The following SEC11C variants were observed in gnomAD, a reference collection of about 807,000 sequenced individuals.
SEC11C encodes the protein signal peptidase complex catalytic subunit SEC11C.
A neutral mutation model predicts 21.9 loss-of-function variants in SEC11C; 10 were observed. The ratio of observed to expected loss-of-function variants is 0.46; its 90% CI spans 0.28 to 0.77. The LOEUF is 0.77. Ranked by LOEUF, SEC11C falls within the 30% of genes least tolerant of loss-of-function variation. The pLI is 0.12. For synonymous variants in SEC11C, 83 were observed against 85.6 expected (o/e 0.97, Z 0.17); for missense variants, 145 against 244.5 (o/e 0.59, Z 2.71).
At position 59,157,496 on chromosome 18, in the gene SEC11C, G is replaced by A. The variant is rs972522702; in HGVS notation, c.468-112G>A. 28 of 777,278 alleles carry A rather than the reference G, an allele frequency of 3.6e-5. No homozygotes were observed. In the African/African-American group the frequency reaches 4.6e-4, roughly 13 times the overall value. 48.1% of individuals were successfully genotyped at this position (777,278 alleles called of 1,614,324 possible). ...TACATCCTTACAGCCCTGGTCAGTG[G>A]CATTCCCTCGTACAATTCATTTCTT... On this transcript the variant is annotated intron_variant, in intron 4 of 5. Transcript: ENST00000587834.
intron 1 of SEC11C, among the ~76,000 whole-genome samples, chr18:59,143,352 CAAAAAAAA>C (rs36204971): frequency 0.55 from 61,519 of 111,170 alleles, 14,276 homozygotes; most frequent in East Asian, 0.66. Flanking sequence ...GACTCCATTT[CAAAAAAAA>C]AAAAAAAAAA....
chr18:59,156,033 G>A, intron 4 of SEC11C: 3 of 406,712 alleles, frequency 7.4e-6, no homozygotes, highest in Non-Finnish European at 8.7e-6. Flanking sequence ...GTTCAAATCT[G>A]TTTCAAAATA....
At chr18:59,147,693 C>T (rs2069292959) in intron 1 of SEC11C, 1 of 151,920 alleles carries the variant, frequency 6.6e-6, no homozygotes, top group Non-Finnish European at 1.5e-5. Context: ...GGGCTGAAAT[C>T]AGTTTGATTG....
intron 1 of SEC11C, chr18:59,146,914 C>A (rs2069283191): frequency 6.6e-6 from 1 of 152,218 alleles, no homozygotes. Context: ...CCCGATGATT[C>A]TGAGGTGCAG....
intron 4 of SEC11C, 80 bp downstream of exon 4, chr18:59,155,887 G>A: frequency 6.7e-7 from 1 of 1,498,098 alleles, no homozygotes; most frequent in Non-Finnish European, 9.2e-7. Context: ...AGGCTAATGA[G>A]TCGTTAATTA....
At chr18:59,151,446 T>G (rs191373492) in intron 2 of SEC11C, among the ~76,000 whole-genome samples, 3 of 152,354 alleles carry the variant, frequency 2.0e-5, no homozygotes, top group Admixed American at 2.0e-4. Flanking sequence ...GTCAGTTGTA[T>G]TTCTAGCCCT....
chr18:59,142,000 A>C (rs1377937160), intron 1 of SEC11C, among the ~76,000 whole-genome samples: 1 of 152,192 alleles, frequency 6.6e-6, no homozygotes, highest in African/African-American at 2.4e-5. Flanking sequence ...TGCTGAGCAT[A>C]CAAAGTTGGT....
chr18:59,140,781 C>T (rs1331543254), intron 1 of SEC11C, among the ~76,000 whole-genome samples: 1 of 152,138 alleles, frequency 6.6e-6, no homozygotes, highest in Non-Finnish European at 1.5e-5. Context: ...CTCTTTTTAG[C>T]CACTTATTGG....
chr18:59,155,498 T>C, intron 3 of SEC11C, 190 bp from the exon 4 acceptor site: 3 of 504,772 alleles, frequency 5.9e-6, no homozygotes, highest in Non-Finnish European at 1.0e-5. Context: ...TCTACAAAAC[T>C]GTCATTAGAT....
chr18:59,145,445 T>C (rs1376070914), intron 1 of SEC11C, among the ~76,000 whole-genome samples: 2 of 152,114 alleles, frequency 1.3e-5, no homozygotes, highest in Non-Finnish European at 2.9e-5. Context: ...AGGTGAGTGT[T>C]TGGTAAACTA....
At chr18:59,158,090 C>G (rs888907731) in intron 5 of SEC11C, among the ~76,000 whole-genome samples, 2 of 152,082 alleles carry the variant, frequency 1.3e-5, no homozygotes, top group African/African-American at 4.8e-5. Flanking sequence ...GAATCTGGCT[C>G]TGTTGCTCAG....
At chr18:59,141,933 A>G (rs1273135519) in intron 1 of SEC11C, among the ~76,000 whole-genome samples, 1 of 152,220 alleles carries the variant, frequency 6.6e-6, no homozygotes, top group Non-Finnish European at 1.5e-5. Flanking sequence ...CTGTTTCATC[A>G]TTGGTTGACA....
At chr18:59,148,292 G>A (rs2069302454) in intron 1 of SEC11C, among the ~76,000 whole-genome samples, 1 of 152,212 alleles carries the variant, frequency 6.6e-6, no homozygotes, top group African/African-American at 2.4e-5. Context: ...ATTTTGAGTG[G>A]TGCTAGCCAC....
Position 59,152,646 on chromosome 18 carries a change from A to G in SEC11C, c.308A>G (p.Asp103Gly). The stretch of plus-strand genomic sequence containing the variant: ...GTTGTTTTTAAAGTTGAAGGACGAG[A>G]CATTCCAATAGTTCACAGAGTAATC... ...EIVVFKVEGR[D>G]IPIVHRVIKV... is the part of the protein sequence containing the mutation. Residue 103 changes from aspartate to glycine, a missense_variant, in exon 3 of 6, where the codon GAC (aspartate) becomes GGC (glycine). Physicochemically the swap from Asp to Gly is moderately conservative, Grantham distance 94. Coordinates refer to ENST00000587834, the MANE Select transcript of SEC11C (RefSeq NM_033280.4). 1 of 1,612,850 alleles carries G rather than the reference A, an allele frequency of 6.2e-7. No individual in the cohort carries two copies. The highest frequency in any genetic ancestry group is 8.5e-7 in the Non-Finnish European group (1 of 1,179,722).
chr18:59,141,957 G>C (rs1163883800), intron 1 of SEC11C, among the ~76,000 whole-genome samples: 1 of 152,138 alleles, frequency 6.6e-6, no homozygotes, highest in African/African-American at 2.4e-5. Flanking sequence ...ACTGAGTATG[G>C]ACTTAGTTCT....
intron 1 of SEC11C, chr18:59,147,305 T>C (rs1298702432): frequency 6.6e-6 from 1 of 152,126 alleles, no homozygotes; most frequent in East Asian, 1.9e-4. Flanking sequence ...TTGAGGAAAA[T>C]GATGTTGCCC....
At chr18:59,155,872 TC>T in intron 4 of SEC11C, 65 bp downstream of exon 4, 5 of 1,568,692 alleles carry the variant, frequency 3.2e-6, no homozygotes, top group Non-Finnish European at 4.4e-6. Context: ...AGAAATTAAA[TC>T]AATAGGCTAA....
At chr18:59,153,272 C>T (rs74491954) in intron 3 of SEC11C, 2,695 of 152,246 alleles carry the variant, frequency 0.018, 36 homozygotes, top group Non-Finnish European at 0.024. Context: ...TTTCTGGAAC[C>T]GGAAACATTT....
intron 1 of SEC11C, among the ~76,000 whole-genome samples, chr18:59,144,010 T>C (rs558804128): frequency 4.9e-4 from 75 of 152,034 alleles, no homozygotes; most frequent in Non-Finnish European, 9.9e-4. Flanking sequence ...TGCACCACCA[T>C]GCCTGGCTAA....
Sources: allele counts gnomAD v4.1 joint callset (sites outside exome capture counted in the v4.1 genomes callset), GRCh38; gene constraint gnomAD v4.1.1; transcripts MANE v1.5; gene names NCBI Gene and HGNC (gene_info 2026-07-23, HGNC 2026-07-21).